FGF18: variants seen among roughly 807,000 people sequenced by gnomAD.
The protein encoded by FGF18 is fibroblast growth factor 18.
In FGF18, 5 loss-of-function variants were observed where a neutral mutation model predicts 23.0. The observed-to-expected ratio is 0.22, with a 90% CI of 0.11 to 0.46. The LOEUF (loss-of-function observed/expected upper bound fraction) is 0.46. Among genes scored for constraint, FGF18 ranks in the 20% least tolerant of loss-of-function variants. FGF18 has a pLI of 0.99. For missense variants in FGF18, 180 were observed against 291.6 expected (o/e 0.62, Z 2.79); for synonymous variants, 117 against 118.9 (o/e 0.98, Z 0.10).
In FGF18 at chr5:171,420,067, C is replaced by A; in HGVS notation, c.-133C>A. 1 of 662,506 alleles carries A rather than the reference C, an allele frequency of 1.5e-6. No individual in the cohort carries two copies. Among genetic ancestry groups the A allele is most frequent in the Non-Finnish European group, 2.1e-6 (1 of 471,598 alleles). The allele number at this position is 662,506 out of a possible 1,614,324, so 41.0% of individuals were successfully genotyped here. A position where few individuals can be genotyped will look rare whatever the true frequency, so the allele number is the denominator to read the frequency against. On this transcript the variant is annotated 5_prime_UTR_variant, in exon 1 of 5. Transcript: ENST00000274625. Reference sequence around the variant, plus strand: ...CCCGGAGCAGCAGAGTCTGCAGCAGCAGCAGCCGGCGAGGAGGGAGCAGCA... The same window carrying A: ...CCCGGAGCAGCAGAGTCTGCAGCAGAAGCAGCCGGCGAGGAGGGAGCAGCA...
At position 171,420,456 on chromosome 5, in the gene FGF18, C is replaced by T; in HGVS notation, c.69+13C>T. Reference sequence around the variant, plus strand: ...CTTCCAGGTACAGGTACGTGGGCTCCTGACTTTGACCTCCTCCCGCCCCTG... The same window carrying T: ...CTTCCAGGTACAGGTACGTGGGCTCTTGACTTTGACCTCCTCCCGCCCCTG... On this transcript the variant is annotated intron_variant, in intron 2 of 4. Coordinates refer to ENST00000274625, the MANE Select transcript of FGF18 (RefSeq NM_003862.3). 6.2e-7 allele frequency: 1 copy of T among 1,612,616 alleles called. No homozygotes were observed. The highest frequency in any genetic ancestry group is 8.5e-7 in the Non-Finnish European group (1 of 1,179,280).
chr5:171,431,915 G>A (rs961353896), intron 2 of FGF18, among the ~76,000 whole-genome samples: 6 of 152,096 alleles, frequency 3.9e-5, no homozygotes, highest in Admixed American at 3.9e-4. Context: ...CGGTGTGGTG[G>A]TGGGCACCTG....
At position 171,456,849 on chromosome 5, in the gene FGF18, A is replaced by G; in HGVS notation, c.*44A>G. ...CTCAGGTCGCCCTGGCCACACTCAC[A>G]CTCCCAGAAAACTGCATCAGAGGAA... On this transcript the variant is annotated 3_prime_UTR_variant, in exon 5 of 5. Transcript: ENST00000274625. The surrounding 1 kb of genome is among the most constrained non-coding windows in gnomAD (Gnocchi z 6.1). The G allele has an allele frequency of 1.3e-6, 2 of 1,556,594 alleles. No homozygotes were observed. The highest frequency in any genetic ancestry group is 1.7e-6 in the Non-Finnish European group (2 of 1,153,036).
chr5:171,438,897 G>T (rs969958320), intron 3 of FGF18, among the ~76,000 whole-genome samples: 7 of 152,138 alleles, frequency 4.6e-5, no homozygotes, highest in African/African-American at 1.7e-4. Flanking sequence ...CCTTGTCTCA[G>T]GGGGAGGGGC....
chr5:171,425,751 C>T (rs1042645263), intron 2 of FGF18, among the ~76,000 whole-genome samples: 61 of 150,172 alleles, frequency 4.1e-4, no homozygotes, highest in Admixed American at 3.3e-4. Context: ...AGGATGGTCT[C>T]GGTCTCCTGA....
chr5:171,450,706 C>T (rs957424222), intron 4 of FGF18, among the ~76,000 whole-genome samples: 6 of 152,070 alleles, frequency 3.9e-5, no homozygotes, highest in African/African-American at 9.7e-5. Context: ...GCTGGCCGGC[C>T]GGCGAGGGGG....
rs887829663 is a variant in FGF18 at position 171,436,746 on chromosome 5, G to A, written c.250+473G>A. Among the ~76,000 whole-genome samples, 4 of 152,164 alleles carry A rather than the reference G, an allele frequency of 2.6e-5. No individual in the cohort carries two copies. The highest frequency in any genetic ancestry group is 2.6e-4 in the Admixed American group (4 of 15,284). ...TTGAGCCTGTGCACCTGTGATATGTGGCACTCATTAACACCTTGGGCCATG... is the reference window on the plus strand; with the variant it reads ...TTGAGCCTGTGCACCTGTGATATGTAGCACTCATTAACACCTTGGGCCATG... On this transcript the variant is annotated intron_variant, in intron 3 of 4. Coordinates refer to ENST00000274625, the MANE Select transcript of FGF18 (RefSeq NM_003862.3). This position sits in a 1 kb window ranked among gnomAD's most constrained non-coding sequence, Gnocchi z 4.4.
At chr5:171,437,017 G>T (rs4073717) in intron 3 of FGF18, among the ~76,000 whole-genome samples, 34,554 of 152,192 alleles carry the variant, frequency 0.23, 4,096 homozygotes, top group African/African-American at 0.28. Flanking sequence ...ATTTAAAATT[G>T]CCAGGCCGGA....
chr5:171,443,098 G>A (rs1320919943), intron 3 of FGF18, among the ~76,000 whole-genome samples: 3 of 151,806 alleles, frequency 2.0e-5, no homozygotes, highest in Non-Finnish European at 4.4e-5. Flanking sequence ...TCATAGGGCT[G>A]TTGTGATGGT....
rs781656350 is a variant in FGF18 at position 171,436,197 on chromosome 5, C to T, written c.174C>T (p.Tyr58=). Residue 58 remains tyrosine (Y), a synonymous_variant, in exon 3 of 5, where the codon TAC becomes TAT. Transcript: ENST00000274625. This position sits in a 1 kb window ranked among gnomAD's most constrained non-coding sequence, Gnocchi z 4.4. ...SRKQLRLYQL[Y]SRTSGKHIQV... is the part of the protein sequence containing the mutation. ...AGCAGCTGCGGCTGTACCAGCTCTA[C>T]AGCCGGACCAGTGGGAAACACATCC... The T allele has an allele frequency of 5.0e-6, 8 of 1,608,224 alleles. No homozygotes were observed. The highest frequency in any genetic ancestry group is 1.3e-5 in the African/African-American group (1 of 74,682).
chr5:171,423,707 T>A lies in FGF18; in HGVS notation c.69+3264T>A, dbSNP rs1772053874. 5.3e-5 allele frequency among the ~76,000 whole-genome samples: 8 copies of A among 151,112 alleles called. No individual in the cohort carries two copies. The South Asian group carries it at 1.7e-3, about 32-fold the overall frequency. ...GACCCTTTCTTTAAGCTGGTTAGGA[T>A]GGGGAAGCTGGAGACAGTGTCCTTT... On this transcript the variant is annotated intron_variant, in intron 2 of 4. Transcript: ENST00000274625.
chr5:171,453,622 C>T (rs1238365709), intron 4 of FGF18, among the ~76,000 whole-genome samples: 3 of 152,066 alleles, frequency 2.0e-5, no homozygotes, highest in Non-Finnish European at 4.4e-5. Flanking sequence ...TGGGCAAGGC[C>T]GATTTGCTTC....
At chr5:171,423,939 A>AT (rs1772056991) in intron 2 of FGF18, among the ~76,000 whole-genome samples, 1 of 151,738 alleles carries the variant, frequency 6.6e-6, no homozygotes, top group Non-Finnish European at 1.5e-5. Flanking sequence ...TAATTTTTGT[A>AT]TTTTTAGTAG....
At chr5:171,431,527 C>T (rs999545047) in intron 2 of FGF18, among the ~76,000 whole-genome samples, 58 of 152,194 alleles carry the variant, frequency 3.8e-4, no homozygotes, top group African/African-American at 1.3e-3. Flanking sequence ...TGTGTAGTTG[C>T]TGCATTGGTA....
intron 4 of FGF18, among the ~76,000 whole-genome samples, chr5:171,452,849 ATACGG>A (rs1277513614): frequency 1.3e-5 from 2 of 152,176 alleles, no homozygotes; most frequent in African/African-American, 2.4e-5. Context: ...CAAAAAGGGA[ATACGG>A]GGCTTATATA....
intron 3 of FGF18, among the ~76,000 whole-genome samples, chr5:171,441,065 C>G (rs538224825): frequency 6.6e-6 from 1 of 152,286 alleles, no homozygotes; most frequent in Non-Finnish European, 1.5e-5. Flanking sequence ...CGGGGGCTGC[C>G]GTCAGTGGCT....
chr5:171,430,266 G>A (rs1772159003), intron 2 of FGF18, among the ~76,000 whole-genome samples: 1 of 150,972 alleles, frequency 6.6e-6, no homozygotes, highest in Admixed American at 6.6e-5. Flanking sequence ...GCTGAGGCGG[G>A]AGAATCACAT....
intron 2 of FGF18, among the ~76,000 whole-genome samples, chr5:171,428,270 G>A (rs1009550299): frequency 5.3e-5 from 8 of 152,250 alleles, no homozygotes; most frequent in Admixed American, 2.0e-4. Flanking sequence ...TCTGGGGACC[G>A]GGATCCAGAC....
chr5:171,443,500 C>CTTTTTTTTTTTTTTTTTT lies in FGF18; in HGVS notation c.251-5647_251-5646insTTTTTTTTTTTTTTTTTT, dbSNP rs766926286. 1.6e-3 allele frequency among the ~76,000 whole-genome samples: 113 copies of CTTTTTTTTTTTTTTTTTT among 70,392 alleles called. 18 individuals carry two copies. Among genetic ancestry groups the CTTTTTTTTTTTTTTTTTT allele is most frequent in the Middle Eastern group, 0.01 (1 of 98 alleles). The allele number at this position is 70,392 out of a possible 152,430, so 46.2% of individuals were successfully genotyped here. ...TCAGATAAGTATTCACTGTTATCAT[C>CTTTTTTTTTTTTTTTTTT]ATTTTTTTTTTTTTTTTTTTTTTTT... On this transcript the variant is annotated intron_variant, in intron 3 of 4. Coordinates refer to ENST00000274625, the MANE Select transcript of FGF18 (RefSeq NM_003862.3).
Sources: allele counts gnomAD v4.1 joint callset (sites outside exome capture counted in the v4.1 genomes callset), GRCh38; gene constraint gnomAD v4.1.1; non-coding constraint Gnocchi (gnomAD v3.1); transcripts MANE v1.5; gene names NCBI Gene and HGNC (gene_info 2026-07-23, HGNC 2026-07-21).